Variants in SPICE1 observed in about 807,000 individuals in gnomAD.
SPICE1 encodes the protein spindle and centriole associated protein 1.
A neutral mutation model predicts 102.7 loss-of-function variants in SPICE1; 75 were observed. The ratio of observed to expected loss-of-function variants is 0.73; its 90% confidence interval spans 0.61 to 0.88. SPICE1 has a LOEUF of 0.88. Ranked by LOEUF, SPICE1 falls within the 40% of genes least tolerant of loss-of-function variation. The pLI, the probability that SPICE1 is intolerant of heterozygous loss-of-function variation, is 0.00. For missense variants in SPICE1, 979 were observed against 1,020.1 expected, an observed-to-expected ratio of 0.96 and a Z score of 0.55; for synonymous variants, 308 against 350.3, an observed-to-expected ratio of 0.88 and a Z score of 1.35.
intron 4 of SPICE1, among the ~76,000 whole-genome samples, chr3:113,497,793 C>G (rs956437988): frequency 1.4e-5 from 2 of 148,066 alleles, no homozygotes; most frequent in African/African-American, 5.1e-5. Flanking sequence ...CTCACTGCAA[C>G]CCGGATTCAA....
rs1935459862 is a variant in SPICE1 at position 113,444,206 on chromosome 3, A to T, written c.*1101T>A. The T allele has an allele frequency of 1.3e-5, 2 of 152,196 alleles. No individual in the cohort carries two copies. The highest frequency in any genetic ancestry group is 4.8e-5 in the African/African-American group (2 of 41,454). The allele number at this position is 152,196 out of a possible 1,614,324, so 9.4% of individuals were successfully genotyped here. A position where few individuals can be genotyped will look rare whatever the true frequency, so the allele number is the denominator to read the frequency against. ...CTCAGAACCAAAAGGGTACCCTGAAAAATCTATCCTGAGCCGGGTGCAGTG... is the reference window on the plus strand; with the variant it reads ...CTCAGAACCAAAAGGGTACCCTGAATAATCTATCCTGAGCCGGGTGCAGTG... On this transcript the variant is annotated 3_prime_UTR_variant, in exon 18 of 18. Coordinates refer to ENST00000295872, the MANE Select transcript of SPICE1 (RefSeq NM_144718.4).
intron 15 of SPICE1, among the ~76,000 whole-genome samples, 162 bp from the exon 16 acceptor site, chr3:113,448,302 A>C (rs1187000346): frequency 6.9e-6 from 1 of 145,618 alleles, no homozygotes; most frequent in Non-Finnish European, 1.5e-5. Flanking sequence ...TTTTTTTTTT[A>C]CTGAACTGTG....
intron 1 of SPICE1, among the ~76,000 whole-genome samples, chr3:113,507,158 T>G (rs1276246990): frequency 6.6e-6 from 1 of 152,192 alleles, no homozygotes; most frequent in African/African-American, 2.4e-5. Flanking sequence ...ATGGTGCTAA[T>G]TATTGATTTT....
At chr3:113,451,855 C>G (rs1344658750) in intron 14 of SPICE1, among the ~76,000 whole-genome samples, 1 of 152,104 alleles carries the variant, frequency 6.6e-6, no homozygotes, top group Non-Finnish European at 1.5e-5. Flanking sequence ...TTCCCCATGA[C>G]CCAGTGCTGA....
At chr3:113,457,514 G>A (rs1935806288) in intron 12 of SPICE1, among the ~76,000 whole-genome samples, 157 bp from the exon 13 acceptor site, 1 of 152,148 alleles carries the variant, frequency 6.6e-6, no homozygotes, top group South Asian at 2.1e-4. Flanking sequence ...ATCCTCCTCT[G>A]CCAATCATTC....
intron 7 of SPICE1, among the ~76,000 whole-genome samples, chr3:113,479,007 C>T (rs141578873): frequency 1.2e-4 from 18 of 151,476 alleles, no homozygotes; most frequent in Admixed American, 2.0e-4. Flanking sequence ...TAAGTTTTAG[C>T]GTACATGTGC....
At chr3:113,463,268 T>C (rs1935975617) in intron 11 of SPICE1, among the ~76,000 whole-genome samples, 4 of 152,246 alleles carry the variant, frequency 2.6e-5, no homozygotes, top group Admixed American at 1.3e-4. Context: ...CTTTTTGTTT[T>C]TAGGATTTAT....
At chr3:113,467,541 G>A (rs1354511598) in intron 10 of SPICE1, among the ~76,000 whole-genome samples, 5 of 152,200 alleles carry the variant, frequency 3.3e-5, no homozygotes, top group Admixed American at 2.0e-4. Flanking sequence ...CAATCTGCCC[G>A]CCTCGGCCTT....
At chr3:113,499,682 C>G (rs1212642592) in intron 3 of SPICE1, 100 bp from the exon 4 acceptor site, 1 of 1,222,134 alleles carries the variant, frequency 8.2e-7, no homozygotes, top group Non-Finnish European at 1.1e-6. Context: ...ACTTTTTAAA[C>G]TTTTTCTGGT....
In SPICE1 at chr3:113,507,852, T is replaced by G. The variant is rs143292460; in HGVS notation, c.1-1247A>C. 1.6e-4 allele frequency among the ~76,000 whole-genome samples: 25 copies of G among 152,302 alleles called. No individual in the cohort carries two copies. In the East Asian group the frequency reaches 4.8e-3, roughly 29 times the overall value. ...GGTACTTACTATTTATTCCTCATTT[T>G]ACAAACGAGAAAACTGAGAGACAAA... is the stretch of plus-strand genomic sequence containing the variant. On this transcript the variant is annotated intron_variant, in intron 1 of 17. Transcript: ENST00000295872.
chr3:113,506,708 C>A, intron 1 of SPICE1, 103 bp from the exon 2 acceptor site: 2 of 845,868 alleles, frequency 2.4e-6, no homozygotes, highest in South Asian at 1.7e-5. Flanking sequence ...TTTTAAAATG[C>A]CAGAAGAAAA....
At chr3:113,482,230 A>G (rs1936527801) in intron 7 of SPICE1, among the ~76,000 whole-genome samples, 1 of 152,150 alleles carries the variant, frequency 6.6e-6, no homozygotes, top group Non-Finnish European at 1.5e-5. Context: ...GTGTCTGTTC[A>G]TATCCTCCAC....
intron 4 of SPICE1, chr3:113,499,008 A>G (rs952446695): frequency 6.5e-6 from 1 of 152,920 alleles, no homozygotes; most frequent in Non-Finnish European, 1.5e-5. Flanking sequence ...AAATAATTAT[A>G]GCAGCTTATA....
intron 4 of SPICE1, among the ~76,000 whole-genome samples, chr3:113,495,726 G>A (rs1358234743): frequency 6.6e-6 from 1 of 152,174 alleles, no homozygotes; most frequent in African/African-American, 2.4e-5. Flanking sequence ...GGAATTATGA[G>A]CTTAGGAAAG....
intron 7 of SPICE1, among the ~76,000 whole-genome samples, chr3:113,483,806 G>A (rs774476380): frequency 3.9e-5 from 6 of 152,078 alleles, no homozygotes; most frequent in Admixed American, 1.3e-4. Context: ...TTTTTGCATC[G>A]ATGTTCATCA....
chr3:113,472,619 G>A (rs907800785), intron 7 of SPICE1, among the ~76,000 whole-genome samples: 8 of 152,120 alleles, frequency 5.3e-5, no homozygotes, highest in South Asian at 2.1e-4. Context: ...AGCAGCATTC[G>A]CGGTTCACGA....
intron 10 of SPICE1, among the ~76,000 whole-genome samples, chr3:113,466,703 A>C (rs1285619023): frequency 1.2e-4 from 18 of 152,198 alleles, no homozygotes; most frequent in Middle Eastern, 3.2e-3. Context: ...GGGTGAAAGA[A>C]TGTTAAGGTT....
intron 6 of SPICE1, among the ~76,000 whole-genome samples, chr3:113,492,666 G>C (rs1486894): frequency 6.6e-6 from 1 of 151,718 alleles, no homozygotes; most frequent in South Asian, 2.1e-4. Context: ...ATAACTTTTC[G>C]CACCTGATCC....
intron 7 of SPICE1, among the ~76,000 whole-genome samples, chr3:113,487,403 G>C (rs1936673305): frequency 6.6e-6 from 1 of 151,964 alleles, no homozygotes; most frequent in Non-Finnish European, 1.5e-5. Flanking sequence ...TACTAATATA[G>C]ATATGTTCAT....
Sources: gnomAD v4.1 joint callset for allele counts (sites outside exome capture counted in the v4.1 genomes callset) on GRCh38, gnomAD v4.1.1 for gene constraint, MANE v1.5 for transcripts, NCBI Gene and HGNC (gene_info 2026-07-23, HGNC 2026-07-21) for gene names.